CNTN1: variants seen among roughly 807,000 people sequenced by gnomAD.
The protein encoded by CNTN1 is contactin 1, also known as contactin-1.
CNTN1 carries 38 observed loss-of-function variants against 126.4 expected under a neutral mutation model. The ratio of observed to expected loss-of-function variants is 0.30; its 90% confidence interval spans 0.23 to 0.39. CNTN1 has a LOEUF of 0.39. Among genes scored for constraint, CNTN1 ranks in the 10% least tolerant of loss-of-function variants. CNTN1 has a pLI of 1.00. For synonymous variants in CNTN1, 413 were observed against 422.6 expected, an observed-to-expected ratio of 0.98 and a Z score of 0.28; for missense variants, 1,009 against 1,248.4, an observed-to-expected ratio of 0.81 and a Z score of 2.89.
At chr12:40,693,335 A>G (rs573744169) in intron 1 of CNTN1, among the ~76,000 whole-genome samples, 2 of 152,210 alleles carry the variant, frequency 1.3e-5, no homozygotes, top group East Asian at 3.9e-4. Flanking sequence ...TGAAAGGTGG[A>G]TTTGGCTTCA....
chr12:40,943,804 T>C, intron 13 of CNTN1, 80 bp downstream of exon 13: 1 of 1,524,740 alleles, frequency 6.6e-7, no homozygotes, highest in Admixed American at 1.8e-5. Flanking sequence ...ACAGTCAATG[T>C]ATTTGTAAGT....
rs201239947 is a variant in CNTN1 at position 40,950,957 on chromosome 12, C to CAT, written c.1683+6797_1683+6798dup. On this transcript the variant is annotated intron_variant, in intron 14 of 23. Coordinates refer to ENST00000551295, the MANE Select transcript of CNTN1 (RefSeq NM_001843.4). The stretch of plus-strand genomic sequence containing the variant: ...AGAATGCCAGGTGAATGGAATTAAG[C>CAT]ATATATATATAATATAATATATAAA... Among the ~76,000 whole-genome samples, 935 of 151,434 alleles carry CAT rather than the reference C, an allele frequency of 6.2e-3. 48 individuals are homozygous for CAT. In the East Asian group the frequency reaches 0.13, roughly 22 times the overall value.
intron 1 of CNTN1, among the ~76,000 whole-genome samples, chr12:40,722,176 A>T (rs1389321827): frequency 6.6e-6 from 1 of 152,128 alleles, no homozygotes; most frequent in Admixed American, 6.6e-5. Context: ...TGGAAATTCA[A>T]ACTAAACATG....
At position 40,704,897 on chromosome 12, in the gene CNTN1, A is replaced by T. The variant is rs17128658; in HGVS notation, c.-77+12305A>T. Among the ~76,000 whole-genome samples, 198 of 152,320 alleles carry T rather than the reference A, an allele frequency of 1.3e-3. 1 individual carries two copies. In the East Asian group the frequency reaches 0.029, roughly 23 times the overall value. ...GTAAAGAGGAAAAATTGCCATTGCT[A>T]CTGACCTAAATGATTGTTAGTCATA... On this transcript the variant is annotated intron_variant, in intron 1 of 23. Transcript: ENST00000551295.
intron 15 of CNTN1, among the ~76,000 whole-genome samples, chr12:40,970,998 A>T (rs545990473): frequency 7.3e-5 from 11 of 151,474 alleles, no homozygotes; most frequent in South Asian, 6.2e-4. Context: ...AGTTCTCACA[A>T]AACAGCCTTA....
At chr12:41,043,110 A>T (rs575192948) in intron 23 of CNTN1, among the ~76,000 whole-genome samples, 2 of 152,206 alleles carry the variant, frequency 1.3e-5, no homozygotes, top group African/African-American at 2.4e-5. Context: ...CATGTCTAAA[A>T]CACCAAAAGC....
intron 20 of CNTN1, among the ~76,000 whole-genome samples, chr12:41,023,864 T>C (rs1948980993): frequency 6.6e-6 from 1 of 152,164 alleles, no homozygotes; most frequent in Non-Finnish European, 1.5e-5. Context: ...TTTATTATTG[T>C]TGTTAATTGT....
intron 14 of CNTN1, among the ~76,000 whole-genome samples, chr12:40,945,730 A>T (rs1261205740): frequency 6.6e-6 from 1 of 152,002 alleles, no homozygotes; most frequent in Non-Finnish European, 1.5e-5. Flanking sequence ...TTTAAAAAAA[A>T]AAACAGGAAA....
At chr12:40,853,590 G>A (rs896334779) in intron 1 of CNTN1, among the ~76,000 whole-genome samples, 4 of 151,972 alleles carry the variant, frequency 2.6e-5, no homozygotes, top group Non-Finnish European at 4.4e-5. Context: ...CCCACTATCT[G>A]TAAGACACTG....
At chr12:40,758,048 T>G (rs1013601383) in intron 1 of CNTN1, among the ~76,000 whole-genome samples, 3 of 151,658 alleles carry the variant, frequency 2.0e-5, no homozygotes, top group Non-Finnish European at 4.4e-5. Flanking sequence ...ATGGACTAAA[T>G]ATGTGTTATT....
chr12:41,055,083 G>A (rs941213446), intron 23 of CNTN1, among the ~76,000 whole-genome samples: 3 of 152,034 alleles, frequency 2.0e-5, no homozygotes, highest in East Asian at 3.9e-4. Context: ...ATATGTATTT[G>A]CCTTCTATAA....
chr12:40,890,987 T>C (rs1466132591), intron 1 of CNTN1, among the ~76,000 whole-genome samples: 2 of 152,184 alleles, frequency 1.3e-5, no homozygotes, highest in Non-Finnish European at 2.9e-5. Context: ...TTCCTGTTCT[T>C]CCACATCAAA....
At chr12:40,887,827 T>A (rs1016174028) in intron 1 of CNTN1, among the ~76,000 whole-genome samples, 1 of 152,206 alleles carries the variant, frequency 6.6e-6, no homozygotes, top group East Asian at 1.9e-4. Flanking sequence ...TGGAATACTA[T>A]GCAGCCATAA....
intron 1 of CNTN1, among the ~76,000 whole-genome samples, chr12:40,724,352 GAGGC>G (rs1454610395): frequency 6.6e-6 from 1 of 152,146 alleles, no homozygotes; most frequent in Non-Finnish European, 1.5e-5. Flanking sequence ...GCATAGAGTA[GAGGC>G]TTGGCTCATC....
chr12:40,849,408 CTGACTCCAAAAGAAGCATA>C (rs1942636453), intron 1 of CNTN1, among the ~76,000 whole-genome samples: 1 of 152,020 alleles, frequency 6.6e-6, no homozygotes, highest in South Asian at 2.1e-4. Flanking sequence ...ACATTAATGA[CTGACTCCAAAAGAAGCATA>C]TTATAGCTTG....
chr12:40,890,095 A>G (rs1944188023), intron 1 of CNTN1, among the ~76,000 whole-genome samples: 1 of 152,196 alleles, frequency 6.6e-6, no homozygotes, highest in East Asian at 1.9e-4. Flanking sequence ...TTAGATATGG[A>G]CTATCTCTAA....
intron 1 of CNTN1, among the ~76,000 whole-genome samples, chr12:40,706,427 A>G (rs565936505): frequency 6.6e-6 from 1 of 152,092 alleles, no homozygotes; most frequent in South Asian, 2.1e-4. Context: ...CTACGTTCCT[A>G]GTGTATCTTG....
intron 1 of CNTN1, among the ~76,000 whole-genome samples, chr12:40,713,220 CT>C (rs61488919): frequency 0.03 from 4,216 of 142,166 alleles, 87 homozygotes; most frequent in Middle Eastern, 0.056. Flanking sequence ...TATATCATGG[CT>C]TTTTTTTTTT....
At chr12:40,814,756 G>A (rs1941202523) in intron 1 of CNTN1, among the ~76,000 whole-genome samples, 2 of 152,094 alleles carry the variant, frequency 1.3e-5, no homozygotes. Context: ...TAGCTTGATG[G>A]GGATGGCATT....
Sources: allele counts gnomAD v4.1 joint callset (sites outside exome capture counted in the v4.1 genomes callset), GRCh38; gene constraint gnomAD v4.1.1; transcripts MANE v1.5; gene names NCBI Gene and HGNC (gene_info 2026-07-23, HGNC 2026-07-21).